Variants in PKD1L3 observed in about 807,000 individuals in gnomAD.
PKD1L3 encodes polycystin-1-like protein 3.
A neutral mutation model predicts 184.1 loss-of-function variants in PKD1L3; 239 were observed. The observed-to-expected ratio is 1.30, with a 90% CI of 1.17 to 1.45. The LOEUF (loss-of-function observed/expected upper bound fraction) is 1.45. Ranked by LOEUF, PKD1L3 falls within the 40% of genes most tolerant of loss-of-function variation. PKD1L3 has a pLI of 0.00. For synonymous variants in PKD1L3, 996 were observed against 778.8 expected, an observed-to-expected ratio of 1.28 and a Z score of -4.64; for missense variants, 2,660 against 2,067.2, an observed-to-expected ratio of 1.29 and a Z score of -5.56.
intron 7 of PKD1L3, among the ~76,000 whole-genome samples, chr16:71,981,853 T>A (rs373509300): frequency 6.6e-6 from 1 of 152,096 alleles, no homozygotes; most frequent in East Asian, 1.9e-4. Context: ...TAAGTCCTTT[T>A]CACTTGATTA....
chr16:71,961,934 G>A (rs1392875213), intron 16 of PKD1L3, among the ~76,000 whole-genome samples: 3 of 152,164 alleles, frequency 2.0e-5, no homozygotes, highest in African/African-American at 7.2e-5. Context: ...GCATTTTAAT[G>A]TAAGGACGTG....
At chr16:71,966,210 CT>C (rs2039496633) in intron 15 of PKD1L3, among the ~76,000 whole-genome samples, 1 of 152,038 alleles carries the variant, frequency 6.6e-6, no homozygotes. Flanking sequence ...CTCTTTTTTC[CT>C]AACTCCAAGG....
At position 71,953,066 on chromosome 16, in the gene PKD1L3, T is replaced by G. The variant is rs2038909999; in HGVS notation, c.2837A>C (p.Glu946Ala). ...AGCAGTATGGATGCTGACCAGCAGT[T>G]CAGACCAGGCCACAGCAAATGGACG... ...QMRPFAVAWS[E>A]LLVSIHTAVI... is the part of the protein sequence containing the mutation. Residue 946 changes from glutamate to alanine, a missense_variant, in exon 18 of 30, where the codon GAA becomes GCA. Coordinates refer to ENST00000620267, the MANE Select transcript of PKD1L3 (RefSeq NM_181536.2). The G allele has an allele frequency of 1.2e-5, 18 of 1,515,212 alleles. No homozygotes were observed. Among genetic ancestry groups the G allele is most frequent in the Non-Finnish European group, 1.5e-5 (17 of 1,132,754 alleles). 93.9% of individuals were successfully genotyped at this position (1,515,212 alleles called of 1,614,324 possible).
At chr16:71,981,668 G>T (rs771815815) in intron 7 of PKD1L3, among the ~76,000 whole-genome samples, 5 of 151,584 alleles carry the variant, frequency 3.3e-5, no homozygotes, top group Non-Finnish European at 7.4e-5. Flanking sequence ...AGCCTCCTGA[G>T]TAGCTGGGAT....
intron 15 of PKD1L3, among the ~76,000 whole-genome samples, chr16:71,964,920 C>T (rs2039442106): frequency 6.7e-6 from 1 of 149,582 alleles, no homozygotes; most frequent in Non-Finnish European, 1.5e-5. Context: ...GATCTTGGCT[C>T]ACTGCAACCT....
Position 71,967,231 on chromosome 16 carries a change from C to A in PKD1L3, c.2371G>T (p.Gly791Cys), listed in dbSNP as rs1451133654. The change falls in exon 15 of 30, where the codon GGC (glycine) becomes TGC (cysteine). Residue 791 changes from glycine (G) to cysteine (C), a missense_variant. Physicochemically the swap from Gly to Cys is radical, Grantham distance 159. Transcript: ENST00000620267. Reference protein sequence around the residue: ...DPQKTVFERGGLDVFLLTTWT... With the variant: ...DPQKTVFERGCLDVFLLTTWT... ...GTGGTGAGAAGGAAGACATCCAGGC[C>A]CCCTCGTTCAAAGACTGTCTTCTGG... The A allele has an allele frequency of 7.1e-6, 11 of 1,551,624 alleles. No homozygotes were observed. In the East Asian group the frequency reaches 2.4e-4, roughly 34 times the overall value.
chr16:71,933,448 A>T lies in PKD1L3; in HGVS notation c.4898T>A (p.Leu1633His). The T allele has an allele frequency of 6.5e-7, 1 of 1,550,166 alleles. No homozygotes were observed. Among genetic ancestry groups the T allele is most frequent in the East Asian group, 2.4e-5 (1 of 40,916 alleles). ...CTCTTGGTGAGAAATTCCCATCAGG[A>T]GACCAACAACAGTCACTGCTGAGCT... Reference protein sequence around the residue: ...FFSSAVTVVGLLMGISHQEEV... With the variant: ...FFSSAVTVVGHLMGISHQEEV... Residue 1633 changes from leucine to histidine, a missense_variant, in exon 28 of 30, where the codon CTC becomes CAC. Physicochemically the swap from Leu to His is moderately conservative, Grantham distance 99. Transcript: ENST00000620267.
rs1355137761 is a variant in PKD1L3, at chr16:72,000,047, T to C, written c.-69A>G. 2 of 1,204,980 alleles carry C rather than the reference T, an allele frequency of 1.7e-6. No individual in the cohort carries two copies. Among genetic ancestry groups the C allele is most frequent in the African/African-American group, 3.1e-5 (2 of 64,626 alleles). The allele number at this position is 1,204,980 out of a possible 1,614,324, so 74.6% of individuals were successfully genotyped here. On this transcript the variant is annotated 5_prime_UTR_variant, in exon 1 of 30. Coordinates refer to ENST00000620267, the MANE Select transcript of PKD1L3 (RefSeq NM_181536.2). ...TGCCTGGTCCTTTAAATATATATATTGGCGGGCTTGTCTTATTAGTATTAT... is the reference window on the plus strand; with the variant it reads ...TGCCTGGTCCTTTAAATATATATATCGGCGGGCTTGTCTTATTAGTATTAT...
chr16:71,930,219 A>T, intron 28 of PKD1L3, 36 bp from the exon 29 acceptor site: 2 of 1,514,472 alleles, frequency 1.3e-6, no homozygotes, highest in Non-Finnish European at 1.8e-6. Context: ...AGTGACTGAC[A>T]ATTTAGTTTA....
Position 71,980,043 on chromosome 16 carries a change from G to A in PKD1L3, c.1235C>T (p.Thr412Ile). ...EQNQSPESSV[T>I]LTSANATLLL... ...CAGAGTAGCATTGGCAGAGGTCAAAGTCACTGAAGACTCGGGAGACTGGTT... is the reference window on the plus strand; with the variant it reads ...CAGAGTAGCATTGGCAGAGGTCAAAATCACTGAAGACTCGGGAGACTGGTT... The change falls in exon 8 of 30, where the codon ACT becomes ATT. Residue 412 changes from threonine (T) to isoleucine (I), a missense_variant. Transcript: ENST00000620267. The A allele has an allele frequency of 3.2e-6, 5 of 1,552,076 alleles. No individual in the cohort carries two copies. The highest frequency in any genetic ancestry group is 4.4e-6 in the Non-Finnish European group (5 of 1,147,092).
chr16:71,956,440 G>C (rs368315168), intron 16 of PKD1L3, among the ~76,000 whole-genome samples: 1 of 151,810 alleles, frequency 6.6e-6, no homozygotes, highest in Non-Finnish European at 1.5e-5. Flanking sequence ...TGATCCACCC[G>C]ACCCGGCCTC....
chr16:71,957,728 T>A (rs1057422141), intron 16 of PKD1L3, among the ~76,000 whole-genome samples: 10 of 151,976 alleles, frequency 6.6e-5, no homozygotes, highest in African/African-American at 2.4e-4. Context: ...ACCCAGGAGG[T>A]TGCAGTGAGC....
At chr16:71,936,712 C>A (rs1340441019) in intron 25 of PKD1L3, among the ~76,000 whole-genome samples, 1 of 152,014 alleles carries the variant, frequency 6.6e-6, no homozygotes. Context: ...GTCTCGAACT[C>A]CCTCAGGTAA....
At chr16:71,990,629 G>A (rs968335205) in intron 3 of PKD1L3, among the ~76,000 whole-genome samples, 3 of 152,094 alleles carry the variant, frequency 2.0e-5, no homozygotes, top group Admixed American at 6.5e-5. Context: ...AGCTACTCGG[G>A]AGGCTGAGGC....
At chr16:71,953,553 G>C (rs12935795) in intron 17 of PKD1L3, among the ~76,000 whole-genome samples, 110,062 of 152,102 alleles carry the variant, frequency 0.72, 40,435 homozygotes, top group East Asian at 0.97. Flanking sequence ...ACAAAGCAAA[G>C]CATCTTACAT....
chr16:71,933,596 G>T, intron 27 of PKD1L3, 75 bp from the exon 28 acceptor site: 1 of 1,099,378 alleles, frequency 9.1e-7, no homozygotes, highest in Non-Finnish European at 1.4e-6. Context: ...TGGGGATGTG[G>T]CCAACATAGA....
chr16:71,930,694 G>A (rs2143065157), intron 28 of PKD1L3: 1 of 152,008 alleles, frequency 6.6e-6, no homozygotes, highest in East Asian at 1.9e-4. Flanking sequence ...TACAAGCATT[G>A]AGTTCTGCCA....
At chr16:71,943,199 C>T (rs553729143) in intron 23 of PKD1L3, among the ~76,000 whole-genome samples, 175 bp from the exon 24 acceptor site, 1 of 152,012 alleles carries the variant, frequency 6.6e-6, no homozygotes, top group Non-Finnish European at 1.5e-5. Flanking sequence ...ATTTCCTTCC[C>T]AGAATTATTC....
intron 1 of PKD1L3, among the ~76,000 whole-genome samples, chr16:71,998,838 T>C (rs112963921): frequency 0.015 from 2,273 of 152,270 alleles, 55 homozygotes; most frequent in African/African-American, 0.051. Context: ...CCATACATTA[T>C]AGTTTATTTT....
Sources: allele counts gnomAD v4.1 joint callset (sites outside exome capture counted in the v4.1 genomes callset), GRCh38; gene constraint gnomAD v4.1.1; transcripts MANE v1.5; gene names NCBI Gene and HGNC (gene_info 2026-07-23, HGNC 2026-07-21).